The following KCNN3 variants were observed in gnomAD, a reference collection of about 807,000 sequenced individuals.
KCNN3 encodes the protein small conductance calcium-activated potassium channel protein 3.
A neutral mutation model predicts 62.9 loss-of-function variants in KCNN3; 16 were observed. The ratio of observed to expected loss-of-function variants is 0.25; its 90% CI spans 0.17 to 0.39. The LOEUF is 0.39. Ranked by LOEUF, KCNN3 falls within the 10% of genes least tolerant of loss-of-function variation. The pLI is 1.00. For synonymous variants in KCNN3, 370 were observed against 389.2 expected (o/e 0.95, Z 0.58); for missense variants, 599 against 949.4 (o/e 0.63, Z 4.85).
rs542036528 is a variant in KCNN3 at position 154,749,844 on chromosome 1, G to A, written c.1449-16700C>T. On this transcript the variant is annotated intron_variant, in intron 3 of 7. Coordinates refer to ENST00000271915, the MANE Select transcript of KCNN3 (RefSeq NM_002249.6). The stretch of plus-strand genomic sequence containing the variant: ...GCCCTGACCCGGGGTCCCCACGGCC[G>A]TGGGGCTTGGGGAGACTACGGGATG... Among the ~76,000 whole-genome samples the A allele has an allele frequency of 1.1e-4, 17 of 152,276 alleles. No individual in the cohort carries two copies. In the South Asian group the frequency reaches 2.9e-3, roughly 26 times the overall value.
chr1:154,794,306 T>C (rs1005645586), intron 2 of KCNN3, among the ~76,000 whole-genome samples: 4 of 152,226 alleles, frequency 2.6e-5, no homozygotes, highest in Admixed American at 6.5e-5. Context: ...TCTGTTTCTA[T>C]GTCCATGTTT....
chr1:154,714,334 T>G (rs1393119168), intron 6 of KCNN3, among the ~76,000 whole-genome samples: 3 of 88,256 alleles, frequency 3.4e-5, no homozygotes, highest in Non-Finnish European at 6.8e-5. Flanking sequence ...GTGTGTGTGG[T>G]GTTTGTGTGT....
intron 5 of KCNN3, among the ~76,000 whole-genome samples, chr1:154,721,544 G>A (rs185723253): frequency 1.1e-3 from 168 of 152,022 alleles, no homozygotes; most frequent in Non-Finnish European, 1.9e-3. Flanking sequence ...CAAGTGATCC[G>A]CCCACGTCGG....
intron 2 of KCNN3, among the ~76,000 whole-genome samples, chr1:154,776,049 G>A (rs1648777370): frequency 6.6e-6 from 1 of 152,210 alleles, no homozygotes; most frequent in Admixed American, 6.5e-5. Flanking sequence ...CGGCAGCTCT[G>A]CCCAGCGAGA....
chr1:154,857,802 T>C (rs1365488327), intron 1 of KCNN3, among the ~76,000 whole-genome samples: 4 of 152,176 alleles, frequency 2.6e-5, no homozygotes, highest in Non-Finnish European at 2.9e-5. Flanking sequence ...ATGAGGTGTG[T>C]AAACACACAT....
chr1:154,859,805 C>T, intron 1 of KCNN3: 1 of 1,613,512 alleles, frequency 6.2e-7, no homozygotes, highest in Non-Finnish European at 8.5e-7. Flanking sequence ...GGTGCCAGCT[C>T]AGTCCCTGCA....
At chr1:154,754,153 T>C (rs1647520577) in intron 3 of KCNN3, among the ~76,000 whole-genome samples, 1 of 152,154 alleles carries the variant, frequency 6.6e-6, no homozygotes, top group Admixed American at 6.5e-5. Context: ...AATTTAAAAA[T>C]ATGGACTTAA....
intron 1 of KCNN3, among the ~76,000 whole-genome samples, chr1:154,852,151 A>C (rs1025882034): frequency 2.0e-5 from 3 of 151,328 alleles, no homozygotes; most frequent in African/African-American, 7.3e-5. Context: ...AAGACACTCC[A>C]CTCTTTTATT....
intron 3 of KCNN3, among the ~76,000 whole-genome samples, chr1:154,742,144 C>T (rs1057051342): frequency 2.6e-5 from 4 of 152,376 alleles, no homozygotes; most frequent in African/African-American, 9.6e-5. Flanking sequence ...GCTTGCCTTG[C>T]ACACATGGCT....
At chr1:154,732,913 C>A in intron 4 of KCNN3, 90 bp downstream of exon 4, 3 of 1,458,654 alleles carry the variant, frequency 2.1e-6, no homozygotes, top group South Asian at 1.1e-5. Context: ...CCCCGCTCTG[C>A]GGCTAGGAAG....
At chr1:154,860,458 T>C (rs1253048990) in intron 1 of KCNN3, among the ~76,000 whole-genome samples, 1 of 152,206 alleles carries the variant, frequency 6.6e-6, no homozygotes, top group Non-Finnish European at 1.5e-5. Context: ...CGGTTAGCTC[T>C]GCCCAGACCA....
At chr1:154,778,880 G>A (rs546663983) in intron 2 of KCNN3, among the ~76,000 whole-genome samples, 26 of 152,104 alleles carry the variant, frequency 1.7e-4, no homozygotes, top group African/African-American at 2.7e-4. Context: ...GGGATTACAC[G>A]TATGAGCCAC....
Position 154,860,951 on chromosome 1 carries a change from G to GTTTTTT in KCNN3, c.933+8075_933+8080dup, listed in dbSNP as rs761437574. Among the ~76,000 whole-genome samples, 19 of 112,050 alleles carry GTTTTTT rather than the reference G, an allele frequency of 1.7e-4. 1 individual carries two copies. The highest frequency in any genetic ancestry group is 3.2e-4 in the Admixed American group (3 of 9,472). 73.5% of individuals were successfully genotyped at this position (112,050 alleles called of 152,430 possible). ...CGCCCATCACTGGTGTGCCACCCAA[G>GTTTTTT]TTTTTTTTTTTTTTTTTTTTTGAGA... On this transcript the variant is annotated intron_variant, in intron 1 of 7. Coordinates refer to ENST00000271915, the MANE Select transcript of KCNN3 (RefSeq NM_002249.6).
intron 2 of KCNN3, among the ~76,000 whole-genome samples, chr1:154,795,074 T>C (rs1649673306): frequency 6.6e-6 from 1 of 152,140 alleles, no homozygotes; most frequent in East Asian, 1.9e-4. Context: ...TAAATTTAGG[T>C]CTTTCACATT....
At chr1:154,868,900 ATCTCTC>A (rs60145117) in intron 1 of KCNN3, 126 bp downstream of exon 1, 255,738 of 757,478 alleles carry the variant, frequency 0.34, 17,325 homozygotes, top group East Asian at 0.54. Flanking sequence ...CAATCTCTCA[ATCTCTC>A]TCTCTCTCTC....
At position 154,707,100 on chromosome 1, in the gene KCNN3, T is replaced by A. The variant is rs1433629081; in HGVS notation, c.*876A>T. The A allele has an allele frequency of 6.6e-6, 1 of 152,216 alleles. No homozygotes were observed. The highest frequency in any genetic ancestry group is 1.5e-5 in the Non-Finnish European group (1 of 68,038). 9.4% of individuals were successfully genotyped at this position (152,216 alleles called of 1,614,324 possible). On this transcript the variant is annotated 3_prime_UTR_variant, in exon 8 of 8. Coordinates refer to ENST00000271915, the MANE Select transcript of KCNN3 (RefSeq NM_002249.6). ...GGCATCCATTTCAAATCAAGCAAGG[T>A]GCATATCCAGGACAAAGCAATGTGC... is the stretch of plus-strand genomic sequence containing the variant.
intron 1 of KCNN3, among the ~76,000 whole-genome samples, chr1:154,845,762 G>A (rs1258707160): frequency 6.6e-6 from 1 of 152,068 alleles, no homozygotes; most frequent in Non-Finnish European, 1.5e-5. Flanking sequence ...GTACACATGC[G>A]GAGCCTCCTC....
At chr1:154,848,054 C>T (rs146102643) in intron 1 of KCNN3, among the ~76,000 whole-genome samples, 130 of 152,320 alleles carry the variant, frequency 8.5e-4, no homozygotes, top group African/African-American at 3.0e-3. Flanking sequence ...CTCCTTTGGG[C>T]CTGGCCAGAA....
intron 4 of KCNN3, among the ~76,000 whole-genome samples, chr1:154,728,394 C>T (rs1265779028): frequency 2.0e-5 from 3 of 152,118 alleles, no homozygotes; most frequent in Non-Finnish European, 2.9e-5. Flanking sequence ...AATGGATGCT[C>T]TCAGCTTCAT....
Sources: allele counts gnomAD v4.1 joint callset (sites outside exome capture counted in the v4.1 genomes callset), GRCh38; gene constraint gnomAD v4.1.1; transcripts MANE v1.5; gene names NCBI Gene and HGNC (gene_info 2026-07-23, HGNC 2026-07-21).